UVRAG: variants seen among roughly 807,000 people sequenced by gnomAD.
The protein encoded by UVRAG is UV radiation resistance associated, also known as UV radiation resistance-associated gene protein.
Under a neutral mutation model 78.0 loss-of-function variants are expected in UVRAG, and 19 were observed. The observed-to-expected ratio is 0.24, with a 90% CI of 0.17 to 0.36. UVRAG has a LOEUF of 0.36. UVRAG is among the 10% of genes least tolerant of loss of function. The pLI is 1.00. For synonymous variants in UVRAG, 323 were observed against 324.6 expected (o/e 1.00, Z 0.05); for missense variants, 740 against 853.8 (o/e 0.87, Z 1.66).
chr11:76,014,943 A>C (rs934821160), intron 11 of UVRAG, among the ~76,000 whole-genome samples: 6 of 152,204 alleles, frequency 3.9e-5, no homozygotes, highest in African/African-American at 1.2e-4. Context: ...GCAAGAGGAC[A>C]CGGTCTCTAA....
chr11:76,014,512 C>T (rs1354176820), intron 11 of UVRAG, among the ~76,000 whole-genome samples: 1 of 152,172 alleles, frequency 6.6e-6, no homozygotes, highest in Non-Finnish European at 1.5e-5. Flanking sequence ...AGATCAAGTC[C>T]TTTTACTGAC....
intron 12 of UVRAG, among the ~76,000 whole-genome samples, chr11:76,044,645 G>A (rs1284997406): frequency 6.6e-6 from 1 of 152,044 alleles, no homozygotes; most frequent in Non-Finnish European, 1.5e-5. Flanking sequence ...ATGGCAGCAT[G>A]TGCCTGTAGT....
At chr11:75,862,821 A>G (rs1946451783) in intron 3 of UVRAG, among the ~76,000 whole-genome samples, 1 of 152,236 alleles carries the variant, frequency 6.6e-6, no homozygotes, top group African/African-American at 2.4e-5. Flanking sequence ...CTGCTAGAAC[A>G]TAAGTTCCAT....
chr11:76,130,978 T>C (rs1056382865), intron 14 of UVRAG, among the ~76,000 whole-genome samples: 4 of 151,956 alleles, frequency 2.6e-5, no homozygotes, highest in African/African-American at 9.7e-5. Context: ...CATAAACAGT[T>C]TATTATTCCC....
At chr11:76,071,490 C>A (rs1951307861) in intron 13 of UVRAG, among the ~76,000 whole-genome samples, 1 of 152,124 alleles carries the variant, frequency 6.6e-6, no homozygotes, top group Non-Finnish European at 1.5e-5. Flanking sequence ...ATTCTAAATA[C>A]AAAGGGAAAC....
At chr11:76,042,695 TC>T (rs1950671958) in intron 12 of UVRAG, among the ~76,000 whole-genome samples, 1 of 152,230 alleles carries the variant, frequency 6.6e-6, no homozygotes, top group African/African-American at 2.4e-5. Flanking sequence ...CTGGTAATAT[TC>T]AATTTCTTGG....
At chr11:75,819,098 T>A (rs1420028568) in intron 1 of UVRAG, among the ~76,000 whole-genome samples, 1 of 152,220 alleles carries the variant, frequency 6.6e-6, no homozygotes, top group Non-Finnish European at 1.5e-5. Flanking sequence ...GTATCCTTGT[T>A]ATTATTGACT....
chr11:75,831,491 A>AAAAC (rs57723773), intron 1 of UVRAG, among the ~76,000 whole-genome samples: 60 of 107,960 alleles, frequency 5.6e-4, no homozygotes, highest in African/African-American at 3.0e-3. Flanking sequence ...TCCTTCTCAA[A>AAAAC]AAACAAACAA....
At chr11:76,140,124 T>C (rs1294560691) in intron 14 of UVRAG, among the ~76,000 whole-genome samples, 4 of 63,698 alleles carry the variant, frequency 6.3e-5, no homozygotes, top group African/African-American at 8.3e-5. Flanking sequence ...TCTCTCTCTC[T>C]CTCTCTCTCT....
chr11:76,040,315 T>C (rs981227173), intron 12 of UVRAG, among the ~76,000 whole-genome samples: 3 of 151,094 alleles, frequency 2.0e-5, no homozygotes, highest in African/African-American at 4.9e-5. Flanking sequence ...CTACTAAAAA[T>C]ACAAAAAATT....
chr11:76,048,604 C>T (rs1340546191), intron 12 of UVRAG, among the ~76,000 whole-genome samples: 3 of 152,176 alleles, frequency 2.0e-5, no homozygotes, highest in Admixed American at 6.5e-5. Flanking sequence ...TCTTTTTGTG[C>T]TCTGAAATTG....
At chr11:75,865,266 A>G (rs1946512194) in intron 3 of UVRAG, among the ~76,000 whole-genome samples, 1 of 150,114 alleles carries the variant, frequency 6.7e-6, no homozygotes, top group East Asian at 2.0e-4. Flanking sequence ...CAGCCTGGGC[A>G]ACAAGAGTGA....
intron 14 of UVRAG, among the ~76,000 whole-genome samples, chr11:76,119,818 A>G (rs191391205): frequency 1.3e-5 from 2 of 152,264 alleles, no homozygotes; most frequent in Middle Eastern, 3.4e-3. Context: ...CCACTCTCCA[A>G]AGTAGCCAGG....
intron 6 of UVRAG, among the ~76,000 whole-genome samples, chr11:75,937,789 AT>A (rs1174539570): frequency 1.3e-5 from 2 of 152,028 alleles, no homozygotes; most frequent in Non-Finnish European, 2.9e-5. Flanking sequence ...TCACATTTGG[AT>A]ATTTTGCAAC....
At chr11:76,066,632 T>C (rs111614408) in intron 13 of UVRAG, among the ~76,000 whole-genome samples, 1,693 of 151,954 alleles carry the variant, frequency 0.011, 33 homozygotes, top group African/African-American at 0.039. Flanking sequence ...GCCACCACGC[T>C]CAGCTAATGT....
chr11:75,966,403 A>T (rs1949024167), intron 7 of UVRAG, among the ~76,000 whole-genome samples: 1 of 152,224 alleles, frequency 6.6e-6, no homozygotes, highest in Non-Finnish European at 1.5e-5. Flanking sequence ...TGGTAAAATT[A>T]GTTGGGCAGT....
At chr11:76,138,611 T>G (rs776896207) in intron 14 of UVRAG, among the ~76,000 whole-genome samples, 1 of 152,148 alleles carries the variant, frequency 6.6e-6, no homozygotes, top group Non-Finnish European at 1.5e-5. Context: ...ATCAGCCCAC[T>G]GGGAGCCCCA....
chr11:76,126,959 C>G lies in UVRAG; in HGVS notation c.1397+10944C>G, dbSNP rs552729939. Among the ~76,000 whole-genome samples, 50 of 152,302 alleles carry G rather than the reference C, an allele frequency of 3.3e-4. No homozygotes were observed. The South Asian group carries it at 0.01, about 31-fold the overall frequency. On this transcript the variant is annotated intron_variant, in intron 14 of 14. Transcript: ENST00000356136. ...CACACGTACACTGCCTGGTTAGCTT[C>G]CACTTATCCTTCAAGGTGCCAATCA...
chr11:76,027,162 G>A (rs1294485328), intron 12 of UVRAG, among the ~76,000 whole-genome samples: 1 of 152,106 alleles, frequency 6.6e-6, no homozygotes, highest in Non-Finnish European at 1.5e-5. Context: ...CCCAGAAGAT[G>A]AAGTGCTAAT....
Sources: gnomAD v4.1 joint callset for allele counts (sites outside exome capture counted in the v4.1 genomes callset) on GRCh38, gnomAD v4.1.1 for gene constraint, MANE v1.5 for transcripts, NCBI Gene and HGNC (gene_info 2026-07-23, HGNC 2026-07-21) for gene names.